Variants in SLC35B3 observed in about 807,000 individuals in gnomAD.
The protein encoded by SLC35B3 is solute carrier family 35 member B3.
A neutral mutation model predicts 44.1 loss-of-function variants in SLC35B3; 35 were observed. The ratio of observed to expected loss-of-function variants is 0.79; its 90% confidence interval spans 0.61 to 1.05. The LOEUF is 1.05. SLC35B3 is among the 50% of genes least tolerant of loss of function. SLC35B3 has a pLI of 0.00. For synonymous variants in SLC35B3, 146 were observed against 167.3 expected, an observed-to-expected ratio of 0.87 and a Z score of 0.98; for missense variants, 414 against 476.4, an observed-to-expected ratio of 0.87 and a Z score of 1.22.
intron 10 of SLC35B3, among the ~76,000 whole-genome samples, chr6:8,414,287 T>G (rs970314178): frequency 6.6e-6 from 1 of 152,190 alleles, no homozygotes; most frequent in African/African-American, 2.4e-5. Flanking sequence ...ACTTATAGAT[T>G]GTTAAGTTCT....
At position 8,420,651 on chromosome 6, in the gene SLC35B3, C is replaced by A; in HGVS notation, c.682+70G>T. The A allele has an allele frequency of 8.4e-7, 1 of 1,194,572 alleles. No homozygotes were observed. The highest frequency in any genetic ancestry group is 2.1e-5 in the Admixed American group (1 of 48,022). The allele number at this position is 1,194,572 out of a possible 1,614,324, so 74.0% of individuals were successfully genotyped here. On this transcript the variant is annotated intron_variant, in intron 6 of 10. Transcript: ENST00000644923. The surrounding 1 kb of genome is among the most constrained non-coding windows in gnomAD (Gnocchi z 4.4). ...GTCACACTATCATTTAAAATGCTTA[C>A]AAAATATTCGAAATTCGTATTCTAA... is the stretch of plus-strand genomic sequence containing the variant.
At position 8,419,752 on chromosome 6, in the gene SLC35B3, C is replaced by A; in HGVS notation, c.683-75G>T. The A allele has an allele frequency of 1.2e-6, 1 of 807,284 alleles. No homozygotes were observed. Among genetic ancestry groups the A allele is most frequent in the Non-Finnish European group, 1.9e-6 (1 of 535,840 alleles). 50.0% of individuals were successfully genotyped at this position (807,284 alleles called of 1,614,324 possible). Reference sequence around the variant, plus strand: ...CATATGAACTATAATCAAGCTTTATCAGAAATTTCATTGGTCTAAAAAACA... The same window carrying A: ...CATATGAACTATAATCAAGCTTTATAAGAAATTTCATTGGTCTAAAAAACA... On this transcript the variant is annotated intron_variant, in intron 6 of 10. Coordinates refer to ENST00000644923, the MANE Select transcript of SLC35B3 (RefSeq NM_001370476.2). This position sits in a 1 kb window ranked among gnomAD's most constrained non-coding sequence, Gnocchi z 4.3.
At position 8,419,627 on chromosome 6, in the gene SLC35B3, C is replaced by T. The variant is rs1554118100; in HGVS notation, c.733G>A (p.Val245Ile). Reference sequence around the variant, plus strand: ...TGAAGTTTCATAGCTTTCTCTTGAACATTTCCAATGACGGCATCTGCACAT... The same window carrying T: ...TGAAGTTTCATAGCTTTCTCTTGAATATTTCCAATGACGGCATCTGCACAT... The change falls in exon 7 of 11, where the codon GTT (valine) becomes ATT (isoleucine). Residue 245 changes from valine to isoleucine, a missense_variant. Val to Ile is a conservative substitution (Grantham distance 29). Transcript: ENST00000644923. The surrounding 1 kb of genome is among the most constrained non-coding windows in gnomAD (Gnocchi z 4.3). 2 of 1,570,608 alleles carry T rather than the reference C, an allele frequency of 1.3e-6. No individual in the cohort carries two copies. The highest frequency in any genetic ancestry group is 2.3e-5 in the East Asian group (1 of 43,632).
chr6:8,429,052 A>G (rs1189003923), intron 3 of SLC35B3, among the ~76,000 whole-genome samples: 1 of 152,212 alleles, frequency 6.6e-6, no homozygotes, highest in East Asian at 1.9e-4. Flanking sequence ...TTTTAGTACT[A>G]AAGAATACTG....
rs1304765323 is a variant in SLC35B3 at position 8,435,493 on chromosome 6, C to T, written c.-194G>A. 5 of 918,196 alleles carry T rather than the reference C, an allele frequency of 5.4e-6. No homozygotes were observed. Among genetic ancestry groups the T allele is most frequent in the African/African-American group, 1.7e-5 (1 of 57,870 alleles). The allele number at this position is 918,196 out of a possible 1,614,324, so 56.9% of individuals were successfully genotyped here. A position where few individuals can be genotyped will look rare whatever the true frequency, so the allele number is the denominator to read the frequency against. ...CTGCACTTTCCACCGCGGCGGTCGCCTCCCCGGAAAGCACTCTCAACTCCG... is the reference window on the plus strand; with the variant it reads ...CTGCACTTTCCACCGCGGCGGTCGCTTCCCCGGAAAGCACTCTCAACTCCG... On this transcript the variant is annotated 5_prime_UTR_variant, in exon 1 of 11. Transcript: ENST00000644923. The surrounding 1 kb of genome is among the most constrained non-coding windows in gnomAD (Gnocchi z 5.5).
rs1763597376 is a variant in SLC35B3 at position 8,428,008 on chromosome 6, G to A, written c.348C>T (p.Thr116=). The A allele has an allele frequency of 3.7e-6, 6 of 1,610,904 alleles. No individual in the cohort carries two copies. The highest frequency in any genetic ancestry group is 1.7e-5 in the Admixed American group (1 of 59,780). Residue 116 remains threonine (T), a synonymous_variant, in exon 4 of 11, where the codon ACC becomes ACT. Coordinates refer to ENST00000644923, the MANE Select transcript of SLC35B3 (RefSeq NM_001370476.2). Reference sequence around the variant, plus strand: ...TGGAGTAAAAGGCAAACTGCACTAAGGTAAGGTACCAGCCACAGGACTTAA... The same window carrying A: ...TGGAGTAAAAGGCAAACTGCACTAAAGTAAGGTACCAGCCACAGGACTTAA...
In SLC35B3 at chr6:8,427,983, T is replaced by C. The variant is rs758075645; in HGVS notation, c.373A>G (p.Ile125Val). The change falls in exon 4 of 11, where the codon ATA (isoleucine) becomes GTA (valine). Residue 125 changes from isoleucine to valine, a missense_variant. Ile to Val is a conservative substitution (Grantham distance 29). Coordinates refer to ENST00000644923, the MANE Select transcript of SLC35B3 (RefSeq NM_001370476.2). ...AGCTGAAGTTCTATTAGGCCAAATA[T>C]GGAGTAAAAGGCAAACTGCACTAAG... 14 of 1,612,814 alleles carry C rather than the reference T, an allele frequency of 8.7e-6. No individual in the cohort carries two copies. Among genetic ancestry groups the C allele is most frequent in the Non-Finnish European group, 1.1e-5 (13 of 1,179,222 alleles).
At chr6:8,413,734 T>G (rs766889379) in intron 10 of SLC35B3, 35 bp from the exon 10 acceptor site, 20 of 1,344,588 alleles carry the variant, frequency 1.5e-5, no homozygotes, top group African/African-American at 9.0e-5. Flanking sequence ...AAATTAAAAT[T>G]AGCAAAATAA....
chr6:8,415,620 T>C (rs1762349742), intron 9 of SLC35B3, among the ~76,000 whole-genome samples: 1 of 152,198 alleles, frequency 6.6e-6, no homozygotes, highest in Non-Finnish European at 1.5e-5. Context: ...TCTTGCCTTA[T>C]TCATCTGTAT....
In SLC35B3 at chr6:8,434,185, T is replaced by C. The variant is rs1764261038; in HGVS notation, c.3+200A>G. On this transcript the variant is annotated intron_variant, in intron 2 of 10. Transcript: ENST00000644923. This position sits in a 1 kb window ranked among gnomAD's most constrained non-coding sequence, Gnocchi z 6.3. ...ATGTATATTTAAAAATTAAAATTAG[T>C]GATAATGTTGAGTTACAATGACCTA... is the stretch of plus-strand genomic sequence containing the variant. Among the ~76,000 whole-genome samples the C allele has an allele frequency of 6.6e-6, 1 of 151,960 alleles. No homozygotes were observed.
At chr6:8,413,941 T>C (rs575253089) in intron 10 of SLC35B3, among the ~76,000 whole-genome samples, 4 of 152,280 alleles carry the variant, frequency 2.6e-5, no homozygotes, top group East Asian at 1.9e-4. Context: ...TTATATGACA[T>C]AGTTCATTTG....
In SLC35B3 at chr6:8,416,855, T is replaced by C. The variant is rs746823590; in HGVS notation, c.985+29A>G. ...TCAGAGAAAATGTAAATGCTTATTT[T>C]ATAATCAAAGCAAGTAAATCCCTCC... On this transcript the variant is annotated intron_variant, in intron 9 of 10. Coordinates refer to ENST00000644923, the MANE Select transcript of SLC35B3 (RefSeq NM_001370476.2). 2.7e-5 allele frequency: 32 copies of C among 1,170,626 alleles called. No homozygotes were observed. The East Asian group carries it at 7.5e-4, about 28-fold the overall frequency. The allele number at this position is 1,170,626 out of a possible 1,614,324, so 72.5% of individuals were successfully genotyped here.
chr6:8,424,124 G>A (rs930792181), intron 4 of SLC35B3, among the ~76,000 whole-genome samples: 2 of 152,226 alleles, frequency 1.3e-5, no homozygotes, highest in Non-Finnish European at 2.9e-5. Flanking sequence ...AAAAAATTCT[G>A]AGCAGTCCTC....
chr6:8,431,605 A>G (rs3823110), intron 2 of SLC35B3, among the ~76,000 whole-genome samples: 81,729 of 151,998 alleles, frequency 0.54, 24,203 homozygotes, highest in African/African-American at 0.81. Context: ...TTTATTCTTC[A>G]CTTTCCTTTG....
chr6:8,416,014 G>A (rs1446458304), intron 9 of SLC35B3, among the ~76,000 whole-genome samples: 1 of 152,192 alleles, frequency 6.6e-6, no homozygotes, highest in Non-Finnish European at 1.5e-5. Flanking sequence ...GTATGGTGAA[G>A]AGCACAGGTG....
In SLC35B3 at chr6:8,411,952, G is replaced by A. The variant is rs760808121; in HGVS notation, c.*1597C>T. Among the ~76,000 whole-genome samples the A allele has an allele frequency of 6.6e-6, 1 of 152,096 alleles. No individual in the cohort carries two copies. Among genetic ancestry groups the A allele is most frequent in the Non-Finnish European group, 1.5e-5 (1 of 68,010 alleles). ...TCTTTGAATTTAGACTCAAAACTAT[G>A]CATGCAACATTCCTATGGTCTGAAT... On this transcript the variant is annotated 3_prime_UTR_variant, in exon 11 of 11. Coordinates refer to ENST00000644923, the MANE Select transcript of SLC35B3 (RefSeq NM_001370476.2).
rs1762801532 is a variant in SLC35B3 at position 8,420,559 on chromosome 6, G to A, written c.682+162C>T. On this transcript the variant is annotated intron_variant, in intron 6 of 10. Coordinates refer to ENST00000644923, the MANE Select transcript of SLC35B3 (RefSeq NM_001370476.2). The surrounding 1 kb of genome is among the most constrained non-coding windows in gnomAD (Gnocchi z 4.4). ...AACAAATTGTTTTATCTACAGAGCT[G>A]TGATATTTTCACTACATCTTATATG... Among the ~76,000 whole-genome samples, 1 of 152,154 alleles carries A rather than the reference G, an allele frequency of 6.6e-6. No individual in the cohort carries two copies. The highest frequency in any genetic ancestry group is 1.5e-5 in the Non-Finnish European group (1 of 68,014).
rs779051378 is a variant in SLC35B3, at chr6:8,434,378, A to G, written c.3+7T>C. On this transcript the variant is annotated splice_region_variant and intron_variant, in intron 2 of 10. Transcript: ENST00000644923. The surrounding 1 kb of genome is among the most constrained non-coding windows in gnomAD (Gnocchi z 6.3). Reference sequence around the variant, plus strand: ...CACACTCAACGTTACAAATAAAAGAATCTTACCATGCCATTATGCCTTGAT... The same window carrying G: ...CACACTCAACGTTACAAATAAAAGAGTCTTACCATGCCATTATGCCTTGAT... 6.2e-7 allele frequency: 1 copy of G among 1,612,558 alleles called. No individual in the cohort carries two copies. Among genetic ancestry groups the G allele is most frequent in the African/African-American group, 1.3e-5 (1 of 74,986 alleles).
Position 8,435,237 on chromosome 6 carries a change from T to C in SLC35B3, c.-44+106A>G. The stretch of plus-strand genomic sequence containing the variant: ...TTTCTTCCATCCCGACCTCATCCAT[T>C]CCTCGAACGCTCCTTCTGGATGAGG... On this transcript the variant is annotated intron_variant, in intron 1 of 10. Transcript: ENST00000644923. This position sits in a 1 kb window ranked among gnomAD's most constrained non-coding sequence, Gnocchi z 5.5. 7.8e-7 allele frequency: 1 copy of C among 1,289,270 alleles called. No individual in the cohort carries two copies. The highest frequency in any genetic ancestry group is 1.0e-6 in the Non-Finnish European group (1 of 988,850). The allele number at this position is 1,289,270 out of a possible 1,614,324, so 79.9% of individuals were successfully genotyped here. A position where few individuals can be genotyped will look rare whatever the true frequency, so the allele number is the denominator to read the frequency against.
Sources: allele counts gnomAD v4.1 joint callset (sites outside exome capture counted in the v4.1 genomes callset), GRCh38; gene constraint gnomAD v4.1.1; non-coding constraint Gnocchi (gnomAD v3.1); transcripts MANE v1.5; gene names NCBI Gene and HGNC (gene_info 2026-07-23, HGNC 2026-07-21).